ESD: variants seen among roughly 807,000 people sequenced by gnomAD.
ESD encodes S-formylglutathione hydrolase.
ESD carries 34 observed loss-of-function variants against 38.1 expected under a neutral mutation model. The observed-to-expected ratio is 0.89, with a 90% CI of 0.68 to 1.19. The LOEUF (loss-of-function observed/expected upper bound fraction) is 1.19. Among genes scored for constraint, ESD ranks in the 50% most tolerant of loss-of-function variants. ESD has a pLI of 0.00. For synonymous variants in ESD, 97 were observed against 107.0 expected (o/e 0.91, Z 0.58); for missense variants, 334 against 327.2 (o/e 1.02, Z -0.16).
At chr13:46,780,613 A>C (rs1301872229) in intron 7 of ESD, among the ~76,000 whole-genome samples, 1 of 151,730 alleles carries the variant, frequency 6.6e-6, no homozygotes, top group Non-Finnish European at 1.5e-5. Context: ...AAAAAAATCA[A>C]CTAAGTTTGC....
intron 8 of ESD, among the ~76,000 whole-genome samples, chr13:46,778,389 G>T (rs1477979082): frequency 1.3e-5 from 2 of 151,784 alleles, no homozygotes; most frequent in Middle Eastern, 3.4e-3. Context: ...TCTTAGAGTG[G>T]GAGAGGACCT....
At chr13:46,788,155 T>G (rs2794659) in intron 3 of ESD, among the ~76,000 whole-genome samples, 2,584 of 152,130 alleles carry the variant, frequency 0.017, 76 homozygotes, top group African/African-American at 0.059. Context: ...TTCTTTCAGT[T>G]TTTTTTGTTT....
chr13:46,782,815 T>TTC, intron 5 of ESD, 24 bp from the exon 6 acceptor site: 2 of 1,611,018 alleles, frequency 1.2e-6, no homozygotes, highest in Non-Finnish European at 1.7e-6. Flanking sequence ...ATCTTGTGGT[T>TTC]TCATCTGCTC....
At chr13:46,789,151 C>CTGAATAGCATTTATA (rs1875302857) in intron 3 of ESD, among the ~76,000 whole-genome samples, 2 of 152,172 alleles carry the variant, frequency 1.3e-5, no homozygotes, top group Non-Finnish European at 2.9e-5. Context: ...AATATAGCTC[C>CTGAATAGCATTTATA]ACTCATCTGG....
In ESD at chr13:46,777,480, G is replaced by A; in HGVS notation, c.744C>T (p.Ile248=). ...CCTCTTGCAATCGAAAAACAACGGGGATTTTCTTTTCTGTACAGGCAGCTA... is the reference window on the plus strand; with the variant it reads ...CCTCTTGCAATCGAAAAACAACGGGAATTTTCTTTTCTGTACAGGCAGCTA... ...NFIAACTEKK[I]PVVFRLQEGY... is the part of the protein sequence containing the mutation. Residue 248 remains isoleucine (I), a synonymous_variant, in exon 9 of 10, where the codon ATC becomes ATT. Transcript: ENST00000378720. 1 of 1,604,972 alleles carries A rather than the reference G, an allele frequency of 6.2e-7. No homozygotes were observed. The highest frequency in any genetic ancestry group is 8.5e-7 in the Non-Finnish European group (1 of 1,174,426).
At chr13:46,777,854 G>A (rs1377004861) in intron 8 of ESD, among the ~76,000 whole-genome samples, 1 of 151,758 alleles carries the variant, frequency 6.6e-6, no homozygotes, top group Non-Finnish European at 1.5e-5. Context: ...TCCTAGACTA[G>A]TGGCAAGAAT....
Position 46,781,583 on chromosome 13 carries a change from C to T in ESD, c.414G>A (p.Val138=), listed in dbSNP as rs898917227. 6.2e-7 allele frequency: 1 copy of T among 1,608,520 alleles called. No homozygotes were observed. Among genetic ancestry groups the T allele is most frequent in the Non-Finnish European group, 8.5e-7 (1 of 1,176,094 alleles). ...CAAAAATAGACATCCTTTGGGGATC[C>T]ACTGGAAAATTGGCATTTATGAGTT... is the stretch of plus-strand genomic sequence containing the variant. The part of the protein sequence containing the change: ...LPQLINANFP[V]DPQRMSIFGH... Residue 138 remains valine (V), a synonymous_variant, in exon 7 of 10, where the codon GTG becomes GTA. Transcript: ENST00000378720.
rs1372443569 is a variant in ESD at position 46,771,512 on chromosome 13, A to G, written c.769-16T>C. ...GATCATAACCCTAGAAGATAAAGAG[A>G]TGATAAGACATTTATCTACCATTCA... On this transcript the variant is annotated splice_polypyrimidine_tract_variant and intron_variant, in intron 9 of 9. Coordinates refer to ENST00000378720, the MANE Select transcript of ESD (RefSeq NM_001984.2). The G allele has an allele frequency of 2.7e-6, 4 of 1,463,700 alleles. No individual in the cohort carries two copies. Among genetic ancestry groups the G allele is most frequent in the Non-Finnish European group, 3.8e-6 (4 of 1,047,762 alleles). The allele number at this position is 1,463,700 out of a possible 1,614,324, so 90.7% of individuals were successfully genotyped here. A position where few individuals can be genotyped will look rare whatever the true frequency, so the allele number is the denominator to read the frequency against.
At chr13:46,778,840 T>C (rs1168301802) in intron 8 of ESD, among the ~76,000 whole-genome samples, 2 of 151,850 alleles carry the variant, frequency 1.3e-5, no homozygotes, top group Non-Finnish European at 2.9e-5. Context: ...TACTAAAGGA[T>C]GAACCCTTTA....
chr13:46,788,985 C>A (rs1875296319), intron 3 of ESD, among the ~76,000 whole-genome samples: 1 of 152,016 alleles, frequency 6.6e-6, no homozygotes, highest in Non-Finnish European at 1.5e-5. Flanking sequence ...ATGTATTGTC[C>A]AGTACAACAG....
In ESD at chr13:46,777,492, T is replaced by A; in HGVS notation, c.732A>T (p.Thr244=). The A allele has an allele frequency of 1.2e-6, 2 of 1,607,760 alleles. No individual in the cohort carries two copies. ...GAAAAACAACGGGGATTTTCTTTTCTGTACAGGCAGCTATGAAGTTATCAG... is the reference window on the plus strand; with the variant it reads ...GAAAAACAACGGGGATTTTCTTTTCAGTACAGGCAGCTATGAAGTTATCAG... ...LLPDNFIAAC[T]EKKIPVVFRL... Residue 244 remains threonine, a synonymous_variant, in exon 9 of 10, where the codon ACA becomes ACT. Coordinates refer to ENST00000378720, the MANE Select transcript of ESD (RefSeq NM_001984.2).
intron 6 of ESD, 108 bp downstream of exon 6, chr13:46,782,559 A>G (rs1875041860): frequency 8.2e-7 from 1 of 1,221,224 alleles, no homozygotes; most frequent in Non-Finnish European, 1.1e-6. Context: ...AATTTTTACT[A>G]GTAACTTTTA....
intron 9 of ESD, among the ~76,000 whole-genome samples, chr13:46,772,963 C>T (rs776691237): frequency 3.9e-5 from 6 of 152,154 alleles, no homozygotes; most frequent in South Asian, 2.1e-4. Flanking sequence ...GGATTACAGG[C>T]GTGAGCCACT....
chr13:46,788,146 T>C (rs549745026), intron 3 of ESD, among the ~76,000 whole-genome samples: 1 of 152,172 alleles, frequency 6.6e-6, no homozygotes, highest in East Asian at 1.9e-4. Flanking sequence ...CTTTCCTTTT[T>C]CTTTCAGTTT....
chr13:46,796,626 G>C (rs533289743), intron 1 of ESD, among the ~76,000 whole-genome samples: 1 of 152,324 alleles, frequency 6.6e-6, no homozygotes, highest in East Asian at 1.9e-4. Context: ...GAGTGCTCCT[G>C]ACCGCGCCAT....
At chr13:46,773,562 C>T (rs1442909968) in intron 9 of ESD, among the ~76,000 whole-genome samples, 1 of 152,192 alleles carries the variant, frequency 6.6e-6, no homozygotes, top group Non-Finnish European at 1.5e-5. Flanking sequence ...ATAAAAATAT[C>T]ACTGACGCTT....
chr13:46,791,441 C>T, intron 2 of ESD, 21 bp from the exon 3 acceptor site: 1 of 1,563,826 alleles, frequency 6.4e-7, no homozygotes, highest in Non-Finnish European at 8.7e-7. Flanking sequence ...AGAGTAATCT[C>T]ATTAATTTCC....
At chr13:46,775,453 AT>A (rs1874760545) in intron 9 of ESD, 1 of 277,864 alleles carries the variant, frequency 3.6e-6, no homozygotes, top group Non-Finnish European at 7.4e-6. Flanking sequence ...TTTTCAGCTT[AT>A]TTTTTACAGC....
chr13:46,788,153 GT>G (rs891079491), intron 3 of ESD, among the ~76,000 whole-genome samples: 1 of 151,414 alleles, frequency 6.6e-6, no homozygotes, highest in African/African-American at 2.4e-5. Flanking sequence ...TTTTCTTTCA[GT>G]TTTTTTTGTT....
Sources: gnomAD v4.1 joint callset for allele counts (sites outside exome capture counted in the v4.1 genomes callset) on GRCh38, gnomAD v4.1.1 for gene constraint, MANE v1.5 for transcripts, NCBI Gene and HGNC (gene_info 2026-07-23, HGNC 2026-07-21) for gene names.